The following LPP variants were observed in gnomAD, a reference collection of about 807,000 sequenced individuals.
The protein encoded by LPP is lipoma-preferred partner.
A neutral mutation model predicts 60.4 loss-of-function variants in LPP; 38 were observed. The observed-to-expected ratio is 0.63, with a 90% CI of 0.49 to 0.83. LPP has a LOEUF of 0.83. Ranked by LOEUF, LPP falls within the 40% of genes least tolerant of loss-of-function variation. The pLI is 0.00. For synonymous variants in LPP, 328 were observed against 290.8 expected (o/e 1.13, Z -1.30); for missense variants, 902 against 783.6 (o/e 1.15, Z -1.80).
At chr3:188,187,050 C>A (rs1237458427) in intron 1 of LPP, among the ~76,000 whole-genome samples, 2 of 152,130 alleles carry the variant, frequency 1.3e-5, no homozygotes, top group Non-Finnish European at 2.9e-5. Context: ...GAGTTTCCCT[C>A]CACTTTTCCT....
chr3:188,335,283 A>G (rs141043348), intron 2 of LPP, among the ~76,000 whole-genome samples: 292 of 152,316 alleles, frequency 1.9e-3, no homozygotes, highest in Middle Eastern at 6.8e-3. Flanking sequence ...TCTGCATCTA[A>G]TGAGATAATC....
At chr3:188,754,559 A>ACT (rs1729531262) in intron 8 of LPP, among the ~76,000 whole-genome samples, 1 of 152,204 alleles carries the variant, frequency 6.6e-6, no homozygotes, top group Admixed American at 6.5e-5. Flanking sequence ...ACTTGACTCA[A>ACT]CATAGAATCA....
chr3:188,248,468 T>TTATATATATACATATATATA, intron 2 of LPP, among the ~76,000 whole-genome samples: 1 of 84,142 alleles, frequency 1.2e-5, no homozygotes, highest in Non-Finnish European at 2.2e-5. Flanking sequence ...CAGTATAACT[T>TTATATATATACATATATATA]TATATATATA....
At chr3:188,226,286 G>C (rs985780816) in intron 2 of LPP, among the ~76,000 whole-genome samples, 1 of 152,174 alleles carries the variant, frequency 6.6e-6, no homozygotes, top group African/African-American at 2.4e-5. Context: ...TGGGATTATA[G>C]GTGTGAGCCA....
At chr3:188,597,633 C>G (rs1419026316) in intron 6 of LPP, among the ~76,000 whole-genome samples, 2 of 152,036 alleles carry the variant, frequency 1.3e-5, no homozygotes, top group Non-Finnish European at 2.9e-5. Context: ...CTACAGAACC[C>G]TCTATCATAC....
At chr3:188,498,153 C>CT (rs1424804822) in intron 5 of LPP, among the ~76,000 whole-genome samples, 3 of 151,656 alleles carry the variant, frequency 2.0e-5, no homozygotes, top group Non-Finnish European at 4.4e-5. Context: ...CTCCTATGTT[C>CT]TTTTTTTTCC....
intron 2 of LPP, among the ~76,000 whole-genome samples, chr3:188,271,534 A>G: frequency 6.6e-6 from 1 of 152,212 alleles, no homozygotes; most frequent in Non-Finnish European, 1.5e-5. Flanking sequence ...GATGTTAAGA[A>G]GGTTAACAAG....
intron 2 of LPP, among the ~76,000 whole-genome samples, chr3:188,244,283 T>A (rs1726087238): frequency 6.6e-6 from 1 of 152,220 alleles, no homozygotes. Flanking sequence ...AGGTGGGAAC[T>A]TCTTTAATGC....
intron 2 of LPP, among the ~76,000 whole-genome samples, chr3:188,318,980 G>T (rs1375831556): frequency 6.6e-6 from 1 of 151,574 alleles, no homozygotes; most frequent in African/African-American, 2.4e-5. Context: ...GGATGGTCTC[G>T]ATCTCCTGAC....
chr3:188,579,700 C>G (rs962145896), intron 6 of LPP, among the ~76,000 whole-genome samples: 1 of 150,484 alleles, frequency 6.6e-6, no homozygotes, highest in Admixed American at 6.6e-5. Flanking sequence ...TGGCTCACAC[C>G]TGTAATCTGA....
chr3:188,356,506 A>C (rs975627782), intron 3 of LPP, among the ~76,000 whole-genome samples: 6 of 152,194 alleles, frequency 3.9e-5, no homozygotes, highest in Non-Finnish European at 8.8e-5. Flanking sequence ...CAGCTCTGCT[A>C]TTCGCTTGTT....
chr3:188,385,185 C>G (rs552052291), intron 3 of LPP, among the ~76,000 whole-genome samples: 24 of 152,124 alleles, frequency 1.6e-4, no homozygotes, highest in African/African-American at 5.1e-4. Context: ...CCCTGAACCC[C>G]TCACCTTCCC....
intron 7 of LPP, among the ~76,000 whole-genome samples, chr3:188,659,130 G>C (rs1422049346): frequency 6.6e-6 from 1 of 152,124 alleles, no homozygotes; most frequent in African/African-American, 2.4e-5. Flanking sequence ...CATTCTTTAT[G>C]GTGTAAAATA....
At chr3:188,759,996 G>A (rs1048377312) in intron 8 of LPP, 117 bp from the exon 9 acceptor site, 54 of 786,122 alleles carry the variant, frequency 6.9e-5, no homozygotes, top group Non-Finnish European at 9.3e-5. Context: ...GGGTAATGAC[G>A]GCAGGAGTGG....
chr3:188,176,935 G>C (rs187787588), intron 1 of LPP, among the ~76,000 whole-genome samples: 7 of 152,366 alleles, frequency 4.6e-5, no homozygotes, highest in Non-Finnish European at 7.3e-5. Flanking sequence ...CTAAATGGCT[G>C]TGTAGTCTTG....
chr3:188,536,397 A>G (rs1823637243), intron 6 of LPP, among the ~76,000 whole-genome samples: 1 of 152,136 alleles, frequency 6.6e-6, no homozygotes, highest in Non-Finnish European at 1.5e-5. Flanking sequence ...TCCTTCCTTT[A>G]CCAATTTATT....
At chr3:188,410,899 T>C (rs1215349045) in intron 4 of LPP, among the ~76,000 whole-genome samples, 2 of 152,168 alleles carry the variant, frequency 1.3e-5, no homozygotes, top group African/African-American at 4.8e-5. Flanking sequence ...TCCTTCACCC[T>C]GAGTCCCCAA....
chr3:188,754,973 G>A (rs1729659900), intron 8 of LPP, among the ~76,000 whole-genome samples: 2 of 152,170 alleles, frequency 1.3e-5, no homozygotes, highest in African/African-American at 4.8e-5. Context: ...GCCATATGTA[G>A]GATAAACTGG....
intron 3 of LPP, among the ~76,000 whole-genome samples, chr3:188,387,055 C>T (rs973777116): frequency 6.6e-5 from 10 of 151,944 alleles, no homozygotes; most frequent in Non-Finnish European, 1.3e-4. Flanking sequence ...CTTTTCTTAT[C>T]GTTGAGTCTC....
Sources: gnomAD v4.1 joint callset for allele counts (sites outside exome capture counted in the v4.1 genomes callset) on GRCh38, gnomAD v4.1.1 for gene constraint, MANE v1.5 for transcripts, NCBI Gene and HGNC (gene_info 2026-07-23, HGNC 2026-07-21) for gene names.